The following COMMD10 variants were observed in gnomAD, a reference collection of about 807,000 sequenced individuals.
The protein encoded by COMMD10 is COMM domain-containing protein 10.
Under a neutral mutation model 28.9 loss-of-function variants are expected in COMMD10, and 33 were observed. The ratio of observed to expected loss-of-function variants is 1.14; its 90% CI spans 0.87 to 1.53. The LOEUF (loss-of-function observed/expected upper bound fraction) is 1.53. Ranked by LOEUF, COMMD10 falls within the 40% of genes most tolerant of loss-of-function variation. The pLI, the probability that COMMD10 is intolerant of heterozygous loss-of-function variation, is 0.00. For synonymous variants in COMMD10, 110 were observed against 81.7 expected (o/e 1.35, Z -1.87); for missense variants, 310 against 233.4 (o/e 1.33, Z -2.14).
At chr5:116,193,383 A>G (rs574727907) in intron 5 of COMMD10, among the ~76,000 whole-genome samples, 5 of 152,356 alleles carry the variant, frequency 3.3e-5, no homozygotes, top group African/African-American at 7.2e-5. Context: ...GGCATAATGG[A>G]TAAGAATTTA....
intron 5 of COMMD10, among the ~76,000 whole-genome samples, chr5:116,172,448 A>G (rs989292376): frequency 6.6e-6 from 1 of 152,142 alleles, no homozygotes; most frequent in African/African-American, 2.4e-5. Flanking sequence ...CTGAATTACA[A>G]GTTACCTTTG....
chr5:116,118,780 G>C (rs1400359005), intron 4 of COMMD10, among the ~76,000 whole-genome samples: 1 of 152,082 alleles, frequency 6.6e-6, no homozygotes, highest in African/African-American at 2.4e-5. Context: ...GGACTTAGCT[G>C]TTGATGCAGA....
chr5:116,267,327 A>C (rs1043572186), intron 5 of COMMD10, among the ~76,000 whole-genome samples: 1 of 151,966 alleles, frequency 6.6e-6, no homozygotes, highest in African/African-American at 2.4e-5. Flanking sequence ...GAGTGAAATC[A>C]TGAGTGAACT....
intron 5 of COMMD10, among the ~76,000 whole-genome samples, chr5:116,219,301 C>T (rs192198051): frequency 2.5e-3 from 388 of 152,246 alleles, no homozygotes; most frequent in Non-Finnish European, 4.4e-3. Flanking sequence ...CCTTTCCCTT[C>T]CCCTTCCCCT....
At chr5:116,157,377 T>TA (rs1752751184) in intron 5 of COMMD10, among the ~76,000 whole-genome samples, 3 of 152,208 alleles carry the variant, frequency 2.0e-5, no homozygotes, top group African/African-American at 7.2e-5. Flanking sequence ...GTTGGCTGGC[T>TA]GGGCTTGGCT....
intron 5 of COMMD10, among the ~76,000 whole-genome samples, chr5:116,180,471 A>G (rs1177310847): frequency 6.6e-6 from 1 of 152,030 alleles, no homozygotes; most frequent in Non-Finnish European, 1.5e-5. Flanking sequence ...TTCCTGTATT[A>G]GTGTTGGGAT....
chr5:116,207,217 A>G (rs1748835834), intron 5 of COMMD10, among the ~76,000 whole-genome samples: 2 of 152,232 alleles, frequency 1.3e-5, no homozygotes, highest in Admixed American at 6.5e-5. Flanking sequence ...AAATAAGCAT[A>G]TAGGCATTTA....
At chr5:116,245,723 G>C (rs1749931570) in intron 5 of COMMD10, among the ~76,000 whole-genome samples, 1 of 152,128 alleles carries the variant, frequency 6.6e-6, no homozygotes, top group South Asian at 2.1e-4. Flanking sequence ...CACATAAGCA[G>C]AGCTAAAGAC....
chr5:116,094,912 TAGACAC>T (rs745888987), intron 4 of COMMD10, among the ~76,000 whole-genome samples: 10 of 152,134 alleles, frequency 6.6e-5, no homozygotes, highest in Non-Finnish European at 1.3e-4. Flanking sequence ...TGAAATAAGC[TAGACAC>T]AGACAAATAT....
intron 5 of COMMD10, among the ~76,000 whole-genome samples, chr5:116,175,372 G>A (rs1373489743): frequency 1.3e-5 from 2 of 152,030 alleles, no homozygotes; most frequent in Non-Finnish European, 2.9e-5. Context: ...CATAATGGGT[G>A]TTTATTAAAT....
intron 5 of COMMD10, among the ~76,000 whole-genome samples, chr5:116,209,630 GAAAA>G (rs766071977): frequency 6.6e-6 from 1 of 152,074 alleles, no homozygotes; most frequent in Non-Finnish European, 1.5e-5. Context: ...AAAACACTAA[GAAAA>G]AAAGCCAACG....
At position 116,233,297 on chromosome 5, in the gene COMMD10, T is replaced by C. The variant is rs73259060; in HGVS notation, c.511-58220T>C. ...TTATTATTAGTTATTGTTAATCTTT[T>C]ACAGTGCTTAATATACAAATTAAAT... On this transcript the variant is annotated intron_variant, in intron 5 of 6. Transcript: ENST00000274458. 9.4e-3 allele frequency among the ~76,000 whole-genome samples: 1,424 copies of C among 152,210 alleles called. 27 individuals carry two copies. Among genetic ancestry groups the C allele is most frequent in the African/African-American group, 0.032 (1,326 of 41,530 alleles).
At chr5:116,202,220 C>A (rs1158609038) in intron 5 of COMMD10, among the ~76,000 whole-genome samples, 1 of 151,896 alleles carries the variant, frequency 6.6e-6, no homozygotes, top group Non-Finnish European at 1.5e-5. Flanking sequence ...ATGAACTCAT[C>A]ATTTTTATGG....
At chr5:116,255,836 T>G (rs1485125838) in intron 5 of COMMD10, 2 of 151,294 alleles carry the variant, frequency 1.3e-5, no homozygotes, top group Non-Finnish European at 2.9e-5. Context: ...TAAAGAGTAT[T>G]TTATTAAAAC....
At chr5:116,177,325 A>C (rs551356148) in intron 5 of COMMD10, among the ~76,000 whole-genome samples, 1 of 152,274 alleles carries the variant, frequency 6.6e-6, no homozygotes, top group East Asian at 1.9e-4. Context: ...TTTAAAATAC[A>C]TGTAAATGTA....
chr5:116,244,854 A>C (rs1294951082), intron 5 of COMMD10, among the ~76,000 whole-genome samples: 1 of 151,982 alleles, frequency 6.6e-6, no homozygotes, highest in Non-Finnish European at 1.5e-5. Flanking sequence ...AATGTATAGC[A>C]CTGAATGCCC....
intron 4 of COMMD10, among the ~76,000 whole-genome samples, chr5:116,132,710 A>G (rs1042679336): frequency 1.3e-5 from 2 of 152,090 alleles, no homozygotes; most frequent in African/African-American, 4.8e-5. Context: ...ATTTATTCCT[A>G]TTTTATTGGA....
rs533426384 is a variant in COMMD10, at chr5:116,125,886, C to G, written c.400-8182C>G. On this transcript the variant is annotated intron_variant, in intron 4 of 6. Transcript: ENST00000274458. The stretch of plus-strand genomic sequence containing the variant: ...CTGGCACAAGACAGGGATGCCCTCT[C>G]TCACCACTCCTGTTCAGCATAGTGT... Among the ~76,000 whole-genome samples the G allele has an allele frequency of 2.1e-4, 32 of 152,276 alleles. No homozygotes were observed. In the South Asian group the frequency reaches 5.4e-3, roughly 26 times the overall value.
At chr5:116,140,251 G>GTGTGTGTA (rs1561625799) in intron 5 of COMMD10, among the ~76,000 whole-genome samples, 1 of 151,448 alleles carries the variant, frequency 6.6e-6, no homozygotes, top group Non-Finnish European at 1.5e-5. Flanking sequence ...GTGTGTGTGT[G>GTGTGTGTA]TGTGTATGTG....
Sources: allele counts gnomAD v4.1 joint callset (sites outside exome capture counted in the v4.1 genomes callset), GRCh38; gene constraint gnomAD v4.1.1; transcripts MANE v1.5; gene names NCBI Gene and HGNC (gene_info 2026-07-23, HGNC 2026-07-21).